The following DSCAM variants were observed in gnomAD, a reference collection of about 807,000 sequenced individuals.
DSCAM encodes DS cell adhesion molecule.
A neutral mutation model predicts 217.7 loss-of-function variants in DSCAM; 47 were observed. The observed-to-expected ratio is 0.22, with a 90% CI of 0.17 to 0.28. The LOEUF is 0.28. Among genes scored for constraint, DSCAM ranks in the 10% least tolerant of loss-of-function variants. The probability of loss-of-function intolerance (pLI) is 1.00; values close to 1 mark genes in which losing one functional copy is unlikely to be tolerated. For missense variants in DSCAM, 2,080 were observed against 2,618.3 expected (o/e 0.79, Z 4.49); for synonymous variants, 1,056 against 1,015.3 (o/e 1.04, Z -0.76).
At position 40,417,120 on chromosome 21, in the gene DSCAM, C is replaced by T. The variant is rs563429602; in HGVS notation, c.509-47875G>A. On this transcript the variant is annotated intron_variant, in intron 3 of 32. Coordinates refer to ENST00000400454, the MANE Select transcript of DSCAM (RefSeq NM_001389.5). ...AACTCCCAACTGAATAGGAAATTTCCTAAAATTTTCCTTTAATAGCATTGT... is the reference window on the plus strand; with the variant it reads ...AACTCCCAACTGAATAGGAAATTTCTTAAAATTTTCCTTTAATAGCATTGT... Among the ~76,000 whole-genome samples the T allele has an allele frequency of 7.2e-5, 11 of 152,246 alleles. No individual in the cohort carries two copies. In the South Asian group the frequency reaches 2.3e-3, roughly 32 times the overall value.
chr21:40,349,430 C>T (rs1462411449), intron 5 of DSCAM, among the ~76,000 whole-genome samples: 2 of 152,122 alleles, frequency 1.3e-5, no homozygotes, highest in Admixed American at 6.6e-5. Flanking sequence ...CCTCGCCTTG[C>T]TATGTTTTCA....
At chr21:40,629,049 G>A (rs971385389) in intron 3 of DSCAM, among the ~76,000 whole-genome samples, 3 of 151,208 alleles carry the variant, frequency 2.0e-5, no homozygotes, top group East Asian at 3.9e-4. Flanking sequence ...TTTTGTGTGT[G>A]TATGTGTGTG....
chr21:40,575,763 C>A (rs2076845205), intron 3 of DSCAM, among the ~76,000 whole-genome samples: 1 of 150,844 alleles, frequency 6.6e-6, no homozygotes. Context: ...AGATTCATAC[C>A]CAAAATATAT....
chr21:40,064,911 G>A (rs991923008), intron 27 of DSCAM, among the ~76,000 whole-genome samples: 1 of 152,150 alleles, frequency 6.6e-6, no homozygotes. Flanking sequence ...ATGGGTGTGG[G>A]TGCTGTGAAC....
At chr21:40,168,326 T>G (rs765939924) in intron 15 of DSCAM, among the ~76,000 whole-genome samples, 3 of 152,154 alleles carry the variant, frequency 2.0e-5, no homozygotes, top group Non-Finnish European at 4.4e-5. Flanking sequence ...GTTGGAAATG[T>G]GCTACCTACT....
intron 9 of DSCAM, 108 bp from the exon 10 acceptor site, chr21:40,296,282 G>C: frequency 7.7e-7 from 1 of 1,296,482 alleles, no homozygotes; most frequent in Non-Finnish European, 1.1e-6. Context: ...TATGAAGACT[G>C]TTTCATACAC....
At chr21:40,402,129 G>A (rs886264179) in intron 3 of DSCAM, among the ~76,000 whole-genome samples, 2 of 127,704 alleles carry the variant, frequency 1.6e-5, no homozygotes, top group Non-Finnish European at 3.1e-5. Context: ...GTGCCACCTC[G>A]GCTCACTGCA....
At chr21:40,833,680 C>T (rs948188600) in intron 1 of DSCAM, among the ~76,000 whole-genome samples, 4 of 152,210 alleles carry the variant, frequency 2.6e-5, no homozygotes, top group African/African-American at 9.6e-5. Flanking sequence ...TGACAAGCAT[C>T]ACCAGCTATG....
intron 1 of DSCAM, among the ~76,000 whole-genome samples, chr21:40,736,811 G>GT (rs34549258): frequency 3.3e-5 from 5 of 151,864 alleles, no homozygotes; most frequent in Non-Finnish European, 5.9e-5. Context: ...ATAGCATAGG[G>GT]TTTTTTTTGC....
At chr21:40,793,265 G>A (rs2123471963) in intron 1 of DSCAM, among the ~76,000 whole-genome samples, 1 of 152,160 alleles carries the variant, frequency 6.6e-6, no homozygotes, top group Middle Eastern at 3.4e-3. Flanking sequence ...TGTGATGGGA[G>A]GGATTCTGAG....
intron 20 of DSCAM, among the ~76,000 whole-genome samples, chr21:40,105,072 T>A (rs1205862918): frequency 6.6e-6 from 1 of 152,172 alleles, no homozygotes; most frequent in African/African-American, 2.4e-5. Flanking sequence ...TTCCAGGGCC[T>A]CTTTCTGTAT....
chr21:40,694,522 T>C lies in DSCAM; in HGVS notation c.362-1566A>G, dbSNP rs974303414. Among the ~76,000 whole-genome samples, 13 of 152,202 alleles carry C rather than the reference T, an allele frequency of 8.5e-5. No homozygotes were observed. In the East Asian group the frequency reaches 2.5e-3, roughly 29 times the overall value. On this transcript the variant is annotated intron_variant, in intron 2 of 32. Transcript: ENST00000400454. ...TTTTTGTAGTAAAGCATGTCTTTCA[T>C]GAAAGCCTTCCTCTCCAGTTTCCAT...
chr21:40,432,227 T>TAAATAAATAAATAAATA (rs1306137101), intron 3 of DSCAM, among the ~76,000 whole-genome samples: 2 of 151,472 alleles, frequency 1.3e-5, no homozygotes, highest in African/African-American at 2.4e-5. Context: ...AATATATAAA[T>TAAATAAATAAATAAATA]AAATAAATAA....
chr21:40,682,163 A>T (rs369381917), intron 3 of DSCAM, among the ~76,000 whole-genome samples: 19 of 148,412 alleles, frequency 1.3e-4, no homozygotes, highest in South Asian at 1.1e-3. Flanking sequence ...GTCATGGGGA[A>T]GGTTTCCTTT....
intron 1 of DSCAM, among the ~76,000 whole-genome samples, chr21:40,754,763 C>A (rs6517610): frequency 6.6e-6 from 1 of 152,028 alleles, no homozygotes; most frequent in Non-Finnish European, 1.5e-5. Context: ...GCAACACCAC[C>A]GCTCATTTTT....
At chr21:40,819,876 A>G (rs781320704) in intron 1 of DSCAM, among the ~76,000 whole-genome samples, 2 of 152,148 alleles carry the variant, frequency 1.3e-5, no homozygotes, top group Non-Finnish European at 2.9e-5. Flanking sequence ...GTAATTAACA[A>G]AGGTCCTTCC....
At chr21:40,566,229 G>C (rs1171587683) in intron 3 of DSCAM, among the ~76,000 whole-genome samples, 1 of 152,116 alleles carries the variant, frequency 6.6e-6, no homozygotes, top group Non-Finnish European at 1.5e-5. Flanking sequence ...GGCCACCCTA[G>C]ATGGCTAGTG....
rs1004644875 is a variant in DSCAM at position 40,186,396 on chromosome 21, G to A, written c.2779+735C>T. Among the ~76,000 whole-genome samples, 33 of 152,236 alleles carry A rather than the reference G, an allele frequency of 2.2e-4. No individual in the cohort carries two copies. In the Middle Eastern group the frequency reaches 0.01, roughly 47 times the overall value. ...AACCCTTCCCATGCTGGTGGTGCTC[G>A]AATTCCTCATATCTTTTATGAGACA... is the stretch of plus-strand genomic sequence containing the variant. On this transcript the variant is annotated intron_variant, in intron 14 of 32. Transcript: ENST00000400454.
At chr21:40,518,682 G>A (rs149252658) in intron 3 of DSCAM, among the ~76,000 whole-genome samples, 10,629 of 135,962 alleles carry the variant, frequency 0.078, 854 homozygotes, top group African/African-American at 0.2. Flanking sequence ...GTGTGTGTAT[G>A]TATATATATG....
Sources: gnomAD v4.1 joint callset for allele counts (sites outside exome capture counted in the v4.1 genomes callset) on GRCh38, gnomAD v4.1.1 for gene constraint, MANE v1.5 for transcripts, NCBI Gene and HGNC (gene_info 2026-07-23, HGNC 2026-07-21) for gene names.